MED12L: variants seen among roughly 807,000 people sequenced by gnomAD.
The protein encoded by MED12L is mediator of RNA polymerase II transcription subunit 12-like protein.
A neutral mutation model predicts 281.3 loss-of-function variants in MED12L; 60 were observed. That is an observed-to-expected ratio of 0.21 (90% CI 0.17 to 0.26). The LOEUF (loss-of-function observed/expected upper bound fraction) is 0.26. Among genes scored for constraint, MED12L ranks in the 10% least tolerant of loss-of-function variants. The pLI is 1.00. For synonymous variants in MED12L, 974 were observed against 987.2 expected, an observed-to-expected ratio of 0.99 and a Z score of 0.25; for missense variants, 2,146 against 2,680.9, an observed-to-expected ratio of 0.80 and a Z score of 4.41.
intron 16 of MED12L, chr3:151,214,172 A>G: frequency 1.2e-6 from 2 of 1,614,180 alleles, no homozygotes; most frequent in Non-Finnish European, 1.7e-6. Flanking sequence ...CTGGGCACGT[A>G]AAAGAATATC....
At chr3:151,319,477 G>A (rs1463649947) in intron 16 of MED12L, among the ~76,000 whole-genome samples, 5 of 69,676 alleles carry the variant, frequency 7.2e-5, no homozygotes, top group South Asian at 4.3e-4. Context: ...GCGTGTGTGT[G>A]TGTGTGTGTG....
At chr3:151,184,911 A>T (rs1178577817) in intron 11 of MED12L, among the ~76,000 whole-genome samples, 1 of 152,132 alleles carries the variant, frequency 6.6e-6, no homozygotes, top group African/African-American at 2.4e-5. Context: ...TATTTATTGT[A>T]TGAGGCATTG....
chr3:151,160,387 G>A (rs1719834353), intron 8 of MED12L, among the ~76,000 whole-genome samples: 1 of 152,146 alleles, frequency 6.6e-6, no homozygotes, highest in Non-Finnish European at 1.5e-5. Flanking sequence ...TAAGTCAGTT[G>A]TATTATTGTT....
At position 151,156,098 on chromosome 3, in the gene MED12L, A is replaced by G. The variant is rs113097467; in HGVS notation, c.557-63A>G. ...CTCGAGATAATCAGAATGGGGAAGA[A>G]AACATGTAATTCTTGTACCCATTGT... On this transcript the variant is annotated intron_variant, in intron 5 of 44. Transcript: ENST00000687756. 2.6e-3 allele frequency: 3,528 copies of G among 1,376,498 alleles called. 9 individuals carry two copies. The highest frequency in any genetic ancestry group is 6.7e-3 in the African/African-American group (457 of 68,708). The allele number at this position is 1,376,498 out of a possible 1,614,324, so 85.3% of individuals were successfully genotyped here. A position where few individuals can be genotyped will look rare whatever the true frequency, so the allele number is the denominator to read the frequency against.
chr3:151,354,002 G>A (rs532453794), intron 17 of MED12L, among the ~76,000 whole-genome samples: 12 of 112,360 alleles, frequency 1.1e-4, no homozygotes, highest in South Asian at 6.1e-4. Context: ...TTAGCCGGGC[G>A]TAGTGGCGGG....
chr3:151,096,911 C>A (rs1720794310), intron 2 of MED12L, among the ~76,000 whole-genome samples: 1 of 152,214 alleles, frequency 6.6e-6, no homozygotes, highest in South Asian at 2.1e-4. Context: ...TTTAGGGCAC[C>A]CGGTGCCTCT....
chr3:151,304,489 G>A (rs1320383153), intron 16 of MED12L, among the ~76,000 whole-genome samples: 3 of 151,966 alleles, frequency 2.0e-5, no homozygotes, highest in African/African-American at 7.2e-5. Flanking sequence ...CAGGAGAATC[G>A]CTTGAACCCG....
intron 6 of MED12L, among the ~76,000 whole-genome samples, chr3:151,158,146 A>G (rs1719528857): frequency 6.6e-6 from 1 of 152,192 alleles, no homozygotes; most frequent in African/African-American, 2.4e-5. Flanking sequence ...TGAAATGTTT[A>G]TACATTATTT....
At position 151,378,154 on chromosome 3, in the gene MED12L, G is replaced by A; in HGVS notation, c.4459G>A (p.Asp1487Asn). 3.1e-6 allele frequency: 5 copies of A among 1,609,598 alleles called. No homozygotes were observed. The highest frequency in any genetic ancestry group is 4.2e-6 in the Non-Finnish European group (5 of 1,177,456). ...GGGTTCTTCTTCCAAAAAGGAAAGGGACAGACAGAAACAGAAAAGGTGTGG... is the reference window on the plus strand; with the variant it reads ...GGGTTCTTCTTCCAAAAAGGAAAGGAACAGACAGAAACAGAAAAGGTGTGG... ...HLGSSSKKER[D>N]RQKQKSMSLL... Residue 1487 changes from aspartate to asparagine, a missense_variant, in exon 31 of 45, where the codon GAC (aspartate) becomes AAC (asparagine). Physicochemically the swap from Asp to Asn is conservative, Grantham distance 23. Coordinates refer to ENST00000687756, the MANE Select transcript of MED12L (RefSeq NM_001393769.1).
chr3:151,220,573 G>A (rs558792373), intron 16 of MED12L, among the ~76,000 whole-genome samples: 1 of 152,272 alleles, frequency 6.6e-6, no homozygotes, highest in South Asian at 2.1e-4. Flanking sequence ...ATGGGGGTGG[G>A]TCTTTCTGTG....
At chr3:151,173,211 A>G (rs994828099) in intron 11 of MED12L, among the ~76,000 whole-genome samples, 1 of 152,016 alleles carries the variant, frequency 6.6e-6, no homozygotes, top group Non-Finnish European at 1.5e-5. Context: ...CTTTTTAAAA[A>G]ATCTTTTACT....
chr3:151,364,285 C>T (rs909404288), intron 21 of MED12L, among the ~76,000 whole-genome samples: 1 of 152,170 alleles, frequency 6.6e-6, no homozygotes, highest in Admixed American at 6.5e-5. Context: ...CTGATTCAGA[C>T]GTAACTCACT....
Position 151,322,121 on chromosome 3 carries a change from G to A in MED12L, c.2251-27938G>A, listed in dbSNP as rs186298134. ...ACTATGCACATCATAGCATAGAAAGGAATTATTCTACATGTTCATAGAAAT... is the reference window on the plus strand; with the variant it reads ...ACTATGCACATCATAGCATAGAAAGAAATTATTCTACATGTTCATAGAAAT... On this transcript the variant is annotated intron_variant, in intron 16 of 44. Transcript: ENST00000687756. Among the ~76,000 whole-genome samples the A allele has an allele frequency of 1.4e-3, 219 of 152,232 alleles. 3 individuals are homozygous for A. Among genetic ancestry groups the A allele is most frequent in the African/African-American group, 4.6e-3 (190 of 41,526 alleles).
chr3:151,390,764 C>G (rs4679817), intron 38 of MED12L, among the ~76,000 whole-genome samples: 44,968 of 152,040 alleles, frequency 0.3, 7,546 homozygotes, highest in Non-Finnish European at 0.38. Context: ...GCCATTTTAA[C>G]AAATAATTTT....
intron 4 of MED12L, among the ~76,000 whole-genome samples, chr3:151,125,208 T>G (rs777461233): frequency 6.6e-6 from 1 of 152,208 alleles, no homozygotes; most frequent in Non-Finnish European, 1.5e-5. Context: ...TTTTTCTTTT[T>G]GAGTGGGCCC....
In MED12L at chr3:151,190,903, A is replaced by C; in HGVS notation, c.1940A>C (p.Tyr647Ser). The change falls in exon 14 of 45, where the codon TAT becomes TCT. Residue 647 changes from tyrosine (Y) to serine (S), a missense_variant. Physicochemically the swap from Tyr to Ser is moderately radical, Grantham distance 144. Around this residue, in one of 9 missense-constraint regions of MED12L, gnomAD observed 722 missense variants for 861.2 expected, o/e 0.84. Coordinates refer to ENST00000687756, the MANE Select transcript of MED12L (RefSeq NM_001393769.1). ...SPVGENADEH[Y>S]SKDHDVKMEE... ...GTAGGGGAAAATGCAGATGAACACTATTCAAAGGACCATGATGTGAAAATG... is the reference window on the plus strand; with the variant it reads ...GTAGGGGAAAATGCAGATGAACACTCTTCAAAGGACCATGATGTGAAAATG... The C allele has an allele frequency of 6.2e-7, 1 of 1,614,190 alleles. No individual in the cohort carries two copies. The highest frequency in any genetic ancestry group is 8.5e-7 in the Non-Finnish European group (1 of 1,180,022).
chr3:151,376,856 A>C lies in MED12L; in HGVS notation c.4110A>C (p.Lys1370Asn). The C allele has an allele frequency of 1.2e-6, 2 of 1,614,070 alleles. No homozygotes were observed. The highest frequency in any genetic ancestry group is 1.7e-6 in the Non-Finnish European group (2 of 1,179,946). ...QSWLELQLMI[K>N]QCLKDPGSGS... ...GGTTAGAACTCCAGCTAATGATCAA[A>C]CAGTGCTTGAAGGACCCTGTGAGTT... is the stretch of plus-strand genomic sequence containing the variant. The change falls in exon 29 of 45, where the codon AAA becomes AAC. Residue 1370 changes from lysine to asparagine, a missense_variant. Physicochemically the swap from Lys to Asn is moderately conservative, Grantham distance 94 (BLOSUM62 0). This residue lies in a region of MED12L where 235 missense variants were observed against 260.3 expected (regional missense o/e 0.90). Transcript: ENST00000687756.
chr3:151,392,148 T>C (rs571381062), intron 38 of MED12L, among the ~76,000 whole-genome samples: 1 of 152,232 alleles, frequency 6.6e-6, no homozygotes, highest in South Asian at 2.1e-4. Context: ...TGAGGAACTT[T>C]AGGTGTGAGA....
intron 5 of MED12L, among the ~76,000 whole-genome samples, chr3:151,151,061 G>C (rs980422739): frequency 1.0e-3 from 5 of 4,810 alleles, no homozygotes; most frequent in Admixed American, 6.8e-3. Flanking sequence ...TTTTGAGATA[G>C]AGTCTCATTG....
Sources: gnomAD v4.1 joint callset for allele counts (sites outside exome capture counted in the v4.1 genomes callset) on GRCh38, gnomAD v4.1.1 for gene constraint, gnomAD v4.1.1 regional missense constraint, MANE v1.5 for transcripts, NCBI Gene and HGNC (gene_info 2026-07-23, HGNC 2026-07-21) for gene names.